The following ATF6 variants were observed in gnomAD, a reference collection of about 807,000 sequenced individuals.
ATF6 encodes activating transcription factor 6.
In ATF6, 53 loss-of-function variants were observed where a neutral mutation model predicts 83.6. The observed-to-expected ratio is 0.63, with a 90% CI of 0.51 to 0.80. The LOEUF is 0.80. ATF6 is among the 30% of genes least tolerant of loss of function. The probability of loss-of-function intolerance (pLI) is 0.00; values close to 1 mark genes in which losing one functional copy is unlikely to be tolerated. For missense variants in ATF6, 744 were observed against 797.9 expected, an observed-to-expected ratio of 0.93 and a Z score of 0.81; for synonymous variants, 288 against 285.8, an observed-to-expected ratio of 1.01 and a Z score of -0.08.
intron 9 of ATF6, among the ~76,000 whole-genome samples, chr1:161,821,815 G>T (rs1685769639): frequency 6.6e-6 from 1 of 152,128 alleles, no homozygotes; most frequent in African/African-American, 2.4e-5. Context: ...GCAGTGAGGA[G>T]AAACTATTGG....
intron 9 of ATF6, among the ~76,000 whole-genome samples, chr1:161,836,680 C>T (rs1282607712): frequency 6.6e-6 from 1 of 152,202 alleles, no homozygotes; most frequent in Non-Finnish European, 1.5e-5. Flanking sequence ...GTTTTGAGGG[C>T]ATGGAAAATT....
At position 161,960,103 on chromosome 1, in the gene ATF6, AG is replaced by A. The variant is rs1283019405; in HGVS notation, c.*1450del. The A allele has an allele frequency of 1.4e-5, 2 of 145,818 alleles. No individual in the cohort carries two copies. The highest frequency in any genetic ancestry group is 2.5e-5 in the African/African-American group (1 of 39,942). The allele number at this position is 145,818 out of a possible 1,614,324, so 9.0% of individuals were successfully genotyped here. A position where few individuals can be genotyped will look rare whatever the true frequency, so the allele number is the denominator to read the frequency against. On this transcript the variant is annotated 3_prime_UTR_variant, in exon 16 of 16. Coordinates refer to ENST00000367942, the MANE Select transcript of ATF6 (RefSeq NM_007348.4). ...CTCCCATGGTTAAAAAAAAAAAAAA[AG>A]CTGTGTTCATTTTTACTGTACTATG...
At chr1:161,829,365 C>G (rs187175625) in intron 9 of ATF6, among the ~76,000 whole-genome samples, 7 of 152,054 alleles carry the variant, frequency 4.6e-5, no homozygotes, top group African/African-American at 1.7e-4. Flanking sequence ...AGAAAGTTAA[C>G]AGGGATATCC....
At chr1:161,835,433 ATTTG>A (rs1317360974) in intron 9 of ATF6, among the ~76,000 whole-genome samples, 3 of 152,306 alleles carry the variant, frequency 2.0e-5, no homozygotes, top group East Asian at 3.9e-4. Flanking sequence ...GGTCAAAGGC[ATTTG>A]TTTGTAAACC....
rs189412461 is a variant in ATF6, at chr1:161,777,759, A to T, written c.83-485A>T. 2.0e-5 allele frequency among the ~76,000 whole-genome samples: 3 copies of T among 152,336 alleles called. 1 individual carries two copies. In the East Asian group the frequency reaches 5.8e-4, roughly 29 times the overall value. On this transcript the variant is annotated intron_variant, in intron 1 of 15. Coordinates refer to ENST00000367942, the MANE Select transcript of ATF6 (RefSeq NM_007348.4). Reference sequence around the variant, plus strand: ...ATGAATTTGATGGTTTAGATGAATGAATCCTTTATTGTCTAGATAGAAAAT... The same window carrying T: ...ATGAATTTGATGGTTTAGATGAATGTATCCTTTATTGTCTAGATAGAAAAT...
intron 15 of ATF6, among the ~76,000 whole-genome samples, chr1:161,946,818 A>G (rs1688757351): frequency 6.6e-6 from 1 of 152,238 alleles, no homozygotes; most frequent in Non-Finnish European, 1.5e-5. Flanking sequence ...AAATGAAAGC[A>G]AAAAACTTCT....
intron 14 of ATF6, chr1:161,892,189 T>C (rs1687570945): frequency 6.6e-6 from 1 of 152,154 alleles, no homozygotes; most frequent in Non-Finnish European, 1.5e-5. Context: ...GGTTATAAAA[T>C]TTTGTGATGG....
chr1:161,820,959 G>GT, intron 8 of ATF6, 111 bp from the exon 9 acceptor site: 1 of 471,058 alleles, frequency 2.1e-6, no homozygotes, highest in Non-Finnish European at 3.6e-6. Flanking sequence ...CAAGGTATTT[G>GT]TAAGACAAGA....
intron 14 of ATF6, among the ~76,000 whole-genome samples, chr1:161,893,612 T>C (rs1687605918): frequency 6.6e-6 from 1 of 152,226 alleles, no homozygotes; most frequent in Non-Finnish European, 1.5e-5. Context: ...GAAAGACGTC[T>C]TACTTCCTTC....
intron 4 of ATF6, among the ~76,000 whole-genome samples, chr1:161,789,861 A>G (rs986699397): frequency 2.6e-5 from 4 of 152,308 alleles, no homozygotes; most frequent in East Asian, 1.9e-4. Context: ...GGTTTCTTGG[A>G]AATGTATTTT....
chr1:161,896,535 A>G (rs971459887), intron 14 of ATF6, among the ~76,000 whole-genome samples: 1 of 152,168 alleles, frequency 6.6e-6, no homozygotes, highest in Non-Finnish European at 1.5e-5. Flanking sequence ...TCACTAGTAA[A>G]CTGAATTTAA....
chr1:161,940,952 C>T (rs971096482), intron 15 of ATF6, among the ~76,000 whole-genome samples: 1 of 152,206 alleles, frequency 6.6e-6, no homozygotes, highest in Admixed American at 6.5e-5. Flanking sequence ...ACCCGTATCA[C>T]ACCTATCCTG....
intron 14 of ATF6, among the ~76,000 whole-genome samples, chr1:161,897,121 A>G (rs1687691179): frequency 6.6e-6 from 1 of 152,140 alleles, no homozygotes; most frequent in Non-Finnish European, 1.5e-5. Flanking sequence ...ATGGACTATA[A>G]TATTTTTACT....
intron 1 of ATF6, among the ~76,000 whole-genome samples, chr1:161,767,076 T>C (rs1684281872): frequency 6.6e-6 from 1 of 152,164 alleles, no homozygotes; most frequent in African/African-American, 2.4e-5. Context: ...AAGGGTGGAA[T>C]GGGATGAAGT....
intron 15 of ATF6, among the ~76,000 whole-genome samples, chr1:161,925,521 C>A (rs959709511): frequency 7.2e-5 from 11 of 152,118 alleles, no homozygotes; most frequent in Non-Finnish European, 1.3e-4. Flanking sequence ...AGGTTAGGAT[C>A]CCTTCCCAAC....
At chr1:161,946,073 T>G (rs1688741644) in intron 15 of ATF6, among the ~76,000 whole-genome samples, 1 of 152,194 alleles carries the variant, frequency 6.6e-6, no homozygotes, top group Non-Finnish European at 1.5e-5. Flanking sequence ...TGGCTAGATC[T>G]CAGCTTTCTG....
chr1:161,828,216 T>TGGCAAACAAG (rs1685954242), intron 9 of ATF6, among the ~76,000 whole-genome samples: 1 of 152,152 alleles, frequency 6.6e-6, no homozygotes, highest in South Asian at 2.1e-4. Context: ...TAAGGAACCT[T>TGGCAAACAAG]AACCTTTTGT....
intron 7 of ATF6, among the ~76,000 whole-genome samples, chr1:161,815,171 A>G (rs1436785315): frequency 6.6e-6 from 1 of 150,968 alleles, no homozygotes; most frequent in Non-Finnish European, 1.5e-5. Flanking sequence ...CTTAGCATAA[A>G]AATCCCATTT....
intron 7 of ATF6, among the ~76,000 whole-genome samples, chr1:161,814,338 C>T (rs752200665): frequency 6.6e-6 from 1 of 152,194 alleles, no homozygotes; most frequent in Non-Finnish European, 1.5e-5. Context: ...TTGCTGAGAG[C>T]ATCTGGTGCA....
Sources: gnomAD v4.1 joint callset for allele counts (sites outside exome capture counted in the v4.1 genomes callset) on GRCh38, gnomAD v4.1.1 for gene constraint, MANE v1.5 for transcripts, NCBI Gene and HGNC (gene_info 2026-07-23, HGNC 2026-07-21) for gene names.